Variants in MCF2L observed in about 807,000 individuals in gnomAD.
The protein encoded by MCF2L is guanine nucleotide exchange factor DBS.
MCF2L carries 97 observed loss-of-function variants against 153.4 expected under a neutral mutation model. The ratio of observed to expected loss-of-function variants is 0.63; its 90% confidence interval spans 0.54 to 0.75. The LOEUF (loss-of-function observed/expected upper bound fraction) is 0.75. Ranked by LOEUF, MCF2L falls within the 30% of genes least tolerant of loss-of-function variation. The probability of loss-of-function intolerance (pLI) is 0.00; values close to 1 mark genes in which losing one functional copy is unlikely to be tolerated. For missense variants in MCF2L, 1,347 were observed against 1,495.2 expected (o/e 0.90, Z 1.64); for synonymous variants, 659 against 632.2 (o/e 1.04, Z -0.64).
At chr13:113,079,696 A>G (rs1056893314) in intron 15 of MCF2L, among the ~76,000 whole-genome samples, 2 of 152,028 alleles carry the variant, frequency 1.3e-5, no homozygotes, top group African/African-American at 4.8e-5. Flanking sequence ...AGCTGGTGAA[A>G]CAGGATGGGA....
intron 1 of MCF2L, among the ~76,000 whole-genome samples, chr13:112,991,401 G>T (rs888188562): frequency 2.6e-5 from 4 of 151,684 alleles, no homozygotes; most frequent in South Asian, 4.2e-4. Context: ...GCTGTGTTTT[G>T]GGGGGTGTCT....
rs1219168267 is a variant in MCF2L at position 113,081,196 on chromosome 13, A to T, written c.1809-17A>T. 3 of 1,571,690 alleles carry T rather than the reference A, an allele frequency of 1.9e-6. No individual in the cohort carries two copies. The Admixed American group carries it at 5.7e-5, about 30-fold the overall frequency. On this transcript the variant is annotated splice_polypyrimidine_tract_variant and intron_variant, in intron 15 of 29. Coordinates refer to ENST00000535094, the MANE Select transcript of MCF2L (RefSeq NM_001112732.3). ...CCAGTGCTAACCTTTTTTGCTCTCC[A>T]CATGACCTGCCACCAGGCACGTGAT...
At chr13:113,016,843 T>A (rs1026356707) in intron 2 of MCF2L, among the ~76,000 whole-genome samples, 1 of 152,116 alleles carries the variant, frequency 6.6e-6, no homozygotes, top group Non-Finnish European at 1.5e-5. Flanking sequence ...TCCGCCCCCT[T>A]CGTTACACCA....
intron 3 of MCF2L, among the ~76,000 whole-genome samples, chr13:113,037,357 G>C (rs2086218384): frequency 6.6e-6 from 1 of 152,178 alleles, no homozygotes; most frequent in Non-Finnish European, 1.5e-5. Context: ...TGTAACCAAA[G>C]ATGAAACCAC....
rs2085742839 is a variant in MCF2L at position 113,031,846 on chromosome 13, C to G, written c.278+7088C>G. 6.7e-6 allele frequency among the ~76,000 whole-genome samples: 1 copy of G among 148,694 alleles called. No individual in the cohort carries two copies. Among genetic ancestry groups the G allele is most frequent in the Non-Finnish European group, 1.5e-5 (1 of 67,324 alleles). On this transcript the variant is annotated intron_variant, in intron 3 of 29. Coordinates refer to ENST00000535094, the MANE Select transcript of MCF2L (RefSeq NM_001112732.3). The surrounding 1 kb of genome is among the most constrained non-coding windows in gnomAD (Gnocchi z 5.5). The stretch of plus-strand genomic sequence containing the variant: ...GTACACATACAGATGCACACACGCA[C>G]CTACACAGGCTTGCACATGCCACAC...
intron 2 of MCF2L, among the ~76,000 whole-genome samples, chr13:112,915,937 G>A (rs1343206713): frequency 6.6e-6 from 1 of 151,926 alleles, no homozygotes; most frequent in East Asian, 1.9e-4. Flanking sequence ...AGTGGCTCAC[G>A]CCTGTAATCC....
chr13:112,899,353 G>A (rs1036913810), intron 1 of MCF2L, among the ~76,000 whole-genome samples: 1 of 152,202 alleles, frequency 6.6e-6, no homozygotes, highest in Non-Finnish European at 1.5e-5. Context: ...GAAAGCAGAC[G>A]CTCCAAGGGT....
chr13:112,927,969 A>T (rs2140604278), intron 2 of MCF2L, among the ~76,000 whole-genome samples: 1 of 152,370 alleles, frequency 6.6e-6, no homozygotes, highest in Non-Finnish European at 1.5e-5. Flanking sequence ...GTTCAAACAA[A>T]ATGTGTCTAG....
intron 1 of MCF2L, among the ~76,000 whole-genome samples, chr13:112,990,158 CTG>C (rs1275426319): frequency 6.6e-6 from 1 of 152,194 alleles, no homozygotes; most frequent in Non-Finnish European, 1.5e-5. Flanking sequence ...TTGCAGACCC[CTG>C]TGTTAAACCA....
At chr13:112,946,301 A>T (rs1050562974) in intron 2 of MCF2L, among the ~76,000 whole-genome samples, 4 of 152,000 alleles carry the variant, frequency 2.6e-5, no homozygotes, top group Non-Finnish European at 5.9e-5. Flanking sequence ...AAAAAAAACT[A>T]TAGTAACTTT....
At chr13:113,076,933 C>G in intron 12 of MCF2L, 119 bp from the exon 13 acceptor site, 1 of 1,096,184 alleles carries the variant, frequency 9.1e-7, no homozygotes, top group Middle Eastern at 2.1e-4. Context: ...TGACAGACCC[C>G]GCATGGAGAA....
chr13:113,096,884 C>T lies in MCF2L; in HGVS notation c.*25C>T. The T allele has an allele frequency of 7.3e-7, 1 of 1,372,308 alleles. No individual in the cohort carries two copies. The highest frequency in any genetic ancestry group is 9.4e-7 in the Non-Finnish European group (1 of 1,066,052). 85.0% of individuals were successfully genotyped at this position (1,372,308 alleles called of 1,614,324 possible). The stretch of plus-strand genomic sequence containing the variant: ...GCGCGGCCTCGGCGCCGGAGACCCG[C>T]GCGCTGTCTGGGGCTGCGGTGGCGT... On this transcript the variant is annotated 3_prime_UTR_variant, in exon 30 of 30. Coordinates refer to ENST00000535094, the MANE Select transcript of MCF2L (RefSeq NM_001112732.3).
At chr13:113,002,354 C>T (rs2083432012) in intron 1 of MCF2L, among the ~76,000 whole-genome samples, 1 of 152,266 alleles carries the variant, frequency 6.6e-6, no homozygotes, top group South Asian at 2.1e-4. Flanking sequence ...TTTTCATAGA[C>T]AGGCTATGTG....
chr13:112,944,085 A>C, intron 2 of MCF2L, among the ~76,000 whole-genome samples: 1 of 122,618 alleles, frequency 8.2e-6, no homozygotes, highest in African/African-American at 3.2e-5. Context: ...GGCTGAGGGA[A>C]GGGTTCCGGA....
chr13:112,995,122 G>A (rs574253214), intron 1 of MCF2L, among the ~76,000 whole-genome samples: 23 of 152,172 alleles, frequency 1.5e-4, no homozygotes, highest in Non-Finnish European at 3.2e-4. Flanking sequence ...TCCAGGATGC[G>A]GCTGTTTGGT....
chr13:113,001,963 T>C, intron 1 of MCF2L: 1 of 1,591,876 alleles, frequency 6.3e-7, no homozygotes, highest in Non-Finnish European at 8.5e-7. Context: ...GCGCTGTGGC[T>C]GCTGCTGAAG....
At chr13:113,066,589 C>T (rs1298787073) in intron 8 of MCF2L, among the ~76,000 whole-genome samples, 1 of 152,178 alleles carries the variant, frequency 6.6e-6, no homozygotes, top group Non-Finnish European at 1.5e-5. Context: ...AGGTGTGATT[C>T]TCATATTTCT....
chr13:113,034,722 G>T (rs1210884457), intron 3 of MCF2L, among the ~76,000 whole-genome samples: 1 of 152,152 alleles, frequency 6.6e-6, no homozygotes, highest in East Asian at 1.9e-4. Context: ...CCTTGCCCTG[G>T]TCTCACCGGC....
chr13:113,049,447 A>T (rs2087061645), intron 4 of MCF2L, among the ~76,000 whole-genome samples: 1 of 152,152 alleles, frequency 6.6e-6, no homozygotes, highest in Non-Finnish European at 1.5e-5. Flanking sequence ...ATCTTGATTC[A>T]GTTTTTTGGA....
Sources: gnomAD v4.1 joint callset for allele counts (sites outside exome capture counted in the v4.1 genomes callset) on GRCh38, gnomAD v4.1.1 for gene constraint, Gnocchi (gnomAD v3.1) non-coding constraint, MANE v1.5 for transcripts, NCBI Gene and HGNC (gene_info 2026-07-23, HGNC 2026-07-21) for gene names.